Variants in SASH1 observed in about 807,000 individuals in gnomAD.
SASH1 encodes SAM and SH3 domain-containing protein 1.
Under a neutral mutation model 125.2 loss-of-function variants are expected in SASH1, and 44 were observed. That is an observed-to-expected ratio of 0.35 (90% confidence interval 0.28 to 0.45). The LOEUF (loss-of-function observed/expected upper bound fraction) is 0.45. Among genes scored for constraint, SASH1 ranks in the 20% least tolerant of loss-of-function variants. SASH1 has a pLI of 1.00. For missense variants in SASH1, 1,426 were observed against 1,614.5 expected (o/e 0.88, Z 2.00); for synonymous variants, 639 against 649.1 (o/e 0.98, Z 0.24).
chr6:148,474,025 G>A, intron 6 of SASH1, 85 bp from the exon 7 acceptor site: 1 of 854,778 alleles, frequency 1.2e-6, no homozygotes, highest in African/African-American at 1.7e-5. Context: ...TTCTTCTCTA[G>A]CCCGAGACAG....
At chr6:148,448,932 G>A (rs781432797) in intron 4 of SASH1, among the ~76,000 whole-genome samples, 2 of 151,908 alleles carry the variant, frequency 1.3e-5, no homozygotes, top group Non-Finnish European at 2.9e-5. Context: ...TCATCATGCT[G>A]TCCTGCTTTT....
At chr6:148,442,187 G>A (rs1435169385) in intron 4 of SASH1, among the ~76,000 whole-genome samples, 1 of 152,118 alleles carries the variant, frequency 6.6e-6, no homozygotes, top group Non-Finnish European at 1.5e-5. Context: ...AGGAGTTTGA[G>A]ATCAGCCTGG....
At position 148,347,200 on chromosome 6, in the gene SASH1, C is replaced by T. The variant is rs1329428894; in HGVS notation, c.156+3977C>T. Among the ~76,000 whole-genome samples the T allele has an allele frequency of 2.6e-5, 4 of 152,038 alleles. No individual in the cohort carries two copies. In the East Asian group the frequency reaches 7.7e-4, roughly 29 times the overall value. ...GGATTTGAGGACTTCTAAGGCAAAG[C>T]CTTAGAAGCCTTTAAATCTACTTGT... is the stretch of plus-strand genomic sequence containing the variant. On this transcript the variant is annotated intron_variant, in intron 1 of 19. Coordinates refer to ENST00000367467, the MANE Select transcript of SASH1 (RefSeq NM_015278.5).
chr6:148,534,129 A>G, intron 15 of SASH1, 149 bp downstream of exon 15: 1 of 654,426 alleles, frequency 1.5e-6, no homozygotes, highest in Non-Finnish European at 2.6e-6. Context: ...AGCATTCATT[A>G]TTCTACAGAA....
intron 2 of SASH1, among the ~76,000 whole-genome samples, chr6:148,396,478 G>GAAAAAAAAAAAAAAAAAAAAAAAAAA (rs61277112): frequency 1.6e-5 from 1 of 63,788 alleles, no homozygotes. Flanking sequence ...CTGCATCTCA[G>GAAAAAAAAAAAAAAAAAAAAAAAAAA]AAAAAAAAAA....
chr6:148,334,867 G>C lies in SASH1; in HGVS notation n.75-55267G>C, dbSNP rs1356622941. ...CGGGAACCTGTAATTCCAGCTACTCGGGAGGCTGAGGTAGGGAGAATCACT... is the reference window on the plus strand; with the variant it reads ...CGGGAACCTGTAATTCCAGCTACTCCGGAGGCTGAGGTAGGGAGAATCACT... On this transcript the variant is annotated intron_variant and non_coding_transcript_variant, in intron 1 of 3. Coordinates refer to the SASH1 transcript ENST00000367469. Among the ~76,000 whole-genome samples, 4 of 151,110 alleles carry C rather than the reference G, an allele frequency of 2.6e-5. No homozygotes were observed. The East Asian group carries it at 7.8e-4, about 30-fold the overall frequency.
At chr6:148,238,373 G>A in the SASH1 span, among the ~76,000 whole-genome samples, 12 of 152,026 alleles carry the variant, frequency 7.9e-5, no homozygotes, top group South Asian at 2.1e-4. Context: ...ACAGGCATGC[G>A]CCACCATCCC....
chr6:148,216,479 G>T, the SASH1 span, among the ~76,000 whole-genome samples: 28 of 152,290 alleles, frequency 1.8e-4, no homozygotes, highest in African/African-American at 6.7e-4. Flanking sequence ...AGTGGCAAAT[G>T]ATATTGTTAT....
intron 4 of SASH1, among the ~76,000 whole-genome samples, chr6:148,464,272 C>T (rs894950825): frequency 1.3e-5 from 2 of 152,126 alleles, no homozygotes; most frequent in Non-Finnish European, 2.9e-5. Flanking sequence ...TATTGATGAA[C>T]AAATATTTGC....
In SASH1 at chr6:148,471,400, T is replaced by C; in HGVS notation, c.428-17T>C. 1.5e-6 allele frequency: 2 copies of C among 1,298,848 alleles called. No homozygotes were observed. Among genetic ancestry groups the C allele is most frequent in the Non-Finnish European group, 1.0e-6 (1 of 961,242 alleles). 80.5% of individuals were successfully genotyped at this position (1,298,848 alleles called of 1,614,324 possible). Reference sequence around the variant, plus strand: ...TGCTTTTTGTTCTTTTTTTTTTTTTTTTTTTTTTTTTTTAAGGAAAAGGAG... The same window carrying C: ...TGCTTTTTGTTCTTTTTTTTTTTTTCTTTTTTTTTTTTTAAGGAAAAGGAG... On this transcript the variant is annotated splice_polypyrimidine_tract_variant and intron_variant, in intron 5 of 19. Coordinates refer to ENST00000367467, the MANE Select transcript of SASH1 (RefSeq NM_015278.5).
chr6:148,472,773 G>A (rs982452945), intron 6 of SASH1, among the ~76,000 whole-genome samples: 15 of 152,162 alleles, frequency 9.9e-5, no homozygotes, highest in African/African-American at 3.1e-4. Context: ...AAAGTCAGCC[G>A]TGCCTGAAAT....
At chr6:148,408,365 C>T (rs1353444203) in intron 2 of SASH1, among the ~76,000 whole-genome samples, 1 of 152,048 alleles carries the variant, frequency 6.6e-6, no homozygotes, top group African/African-American at 2.4e-5. Flanking sequence ...CTCAGCCTCC[C>T]AGAGTGCTGG....
chr6:148,233,580 A>G, the SASH1 span, among the ~76,000 whole-genome samples: 5 of 152,052 alleles, frequency 3.3e-5, no homozygotes, highest in African/African-American at 1.2e-4. Flanking sequence ...ACATTAAGCA[A>G]TGAATTACAT....
chr6:148,301,349 T>G (rs1205627190), intron 1 of SASH1, among the ~76,000 whole-genome samples: 3 of 140,736 alleles, frequency 2.1e-5, no homozygotes, highest in Non-Finnish European at 4.6e-5. Context: ...AAAAAAAAAC[T>G]CTGCCTCCTG....
In SASH1 at chr6:148,543,881, T is replaced by C. The variant is rs1417139326; in HGVS notation, c.2411T>C (p.Val804Ala). The C allele has an allele frequency of 6.2e-7, 1 of 1,614,138 alleles. No homozygotes were observed. Among genetic ancestry groups the C allele is most frequent in the Admixed American group, 1.7e-5 (1 of 60,020 alleles). Residue 804 changes from valine to alanine, a missense_variant, in exon 18 of 20, where the codon GTG (valine) becomes GCG (alanine). Transcript: ENST00000367467. ...TCCAAGAGCTGTGACCCACCTGGTG[T>C]GACTGGTTTGAATAAAAACCGAAGA... ...DTSKSCDPPG[V>A]TGLNKNRRSL...
At chr6:148,365,205 C>G (rs1583028931) in intron 1 of SASH1, among the ~76,000 whole-genome samples, 1 of 151,980 alleles carries the variant, frequency 6.6e-6, no homozygotes, top group Non-Finnish European at 1.5e-5. Context: ...ATCAAGCTAG[C>G]TCCCAGCTGT....
chr6:148,341,331 T>G (rs1452663272), upstream of SASH1, among the ~76,000 whole-genome samples: 49 of 131,610 alleles, frequency 3.7e-4, no homozygotes, highest in African/African-American at 3.5e-4. Flanking sequence ...TTTTTTTTTG[T>G]TTTTTTTTTT....
At chr6:148,366,625 A>G (rs2114728223) in intron 1 of SASH1, among the ~76,000 whole-genome samples, 1 of 152,102 alleles carries the variant, frequency 6.6e-6, no homozygotes, top group East Asian at 1.9e-4. Context: ...GAGATGGAGT[A>G]TTGTTCTTGT....
chr6:148,298,772 AAAG>A (rs1406496908), intron 1 of SASH1, among the ~76,000 whole-genome samples: 4 of 100,238 alleles, frequency 4.0e-5, no homozygotes, highest in Non-Finnish European at 8.3e-5. Flanking sequence ...GAGAAAGAAA[AAAG>A]AAAGAACAAA....
Sources: gnomAD v4.1 joint callset for allele counts (sites outside exome capture counted in the v4.1 genomes callset) on GRCh38, gnomAD v4.1.1 for gene constraint, MANE v1.5 for transcripts, NCBI Gene and HGNC (gene_info 2026-07-23, HGNC 2026-07-21) for gene names.